Variants in AIM2 observed in about 807,000 individuals in gnomAD.
AIM2 encodes absent in melanoma 2, also known as interferon-inducible protein AIM2.
In AIM2, 30 loss-of-function variants were observed where a neutral mutation model predicts 27.7. That is an observed-to-expected ratio of 1.08 (90% confidence interval 0.81 to 1.47). AIM2 has a LOEUF of 1.47. AIM2 is among the 40% of genes most tolerant of loss of function. AIM2 has a pLI of 0.00. For missense variants in AIM2, 358 were observed against 411.3 expected (o/e 0.87, Z 1.12); for synonymous variants, 141 against 145.3 (o/e 0.97, Z 0.21).
At chr1:159,110,721 T>C (rs1657550294) in intron 1 of AIM2, among the ~76,000 whole-genome samples, 1 of 152,206 alleles carries the variant, frequency 6.6e-6, no homozygotes, top group South Asian at 2.1e-4. Context: ...GTTCCTTCTC[T>C]ATTTCCTGCC....
At chr1:159,070,439 G>A (rs1245357768) in intron 2 of AIM2, among the ~76,000 whole-genome samples, 1 of 152,160 alleles carries the variant, frequency 6.6e-6, no homozygotes, top group African/African-American at 2.4e-5. Context: ...TCTATGGTCA[G>A]GTTATATGTT....
chr1:159,123,973 A>T (rs1647611129), intron 1 of AIM2, among the ~76,000 whole-genome samples: 1 of 152,154 alleles, frequency 6.6e-6, no homozygotes, highest in South Asian at 2.1e-4. Flanking sequence ...AATCTGCCTC[A>T]TTTACTCCAC....
At chr1:159,119,050 C>T (rs894718439) in intron 1 of AIM2, among the ~76,000 whole-genome samples, 5 of 151,944 alleles carry the variant, frequency 3.3e-5, no homozygotes, top group African/African-American at 4.8e-5. Context: ...ACCAGAACTC[C>T]GAATAAAGAA....
chr1:159,071,978 T>C (rs1233370425), intron 2 of AIM2, among the ~76,000 whole-genome samples: 1 of 152,154 alleles, frequency 6.6e-6, no homozygotes, highest in Admixed American at 6.5e-5. Context: ...GGGGAGAAGA[T>C]TGTAGAAGGG....
In AIM2 at chr1:159,073,359, T is replaced by A. The variant is rs986086448; in HGVS notation, c.141A>T (p.Gln47His). The A allele has an allele frequency of 6.2e-7, 1 of 1,614,076 alleles. No individual in the cohort carries two copies. Among genetic ancestry groups the A allele is most frequent in the Non-Finnish European group, 8.5e-7 (1 of 1,180,040 alleles). ...TGKLHTANRIQVATLMIQNAG... is the reference protein window; with the variant it reads ...TGKLHTANRIHVATLMIQNAG... ...CATTTTGAATCATCAAGGTAGCTAC[T>A]TGTATTCTGTTTGCAGTATGTAGTT... Residue 47 changes from glutamine to histidine, a missense_variant, in exon 2 of 6, where the codon CAA (glutamine) becomes CAT (histidine). Coordinates refer to ENST00000368130, the MANE Select transcript of AIM2 (RefSeq NM_004833.3).
chr1:159,096,266 T>C (rs940350745), intron 1 of AIM2, among the ~76,000 whole-genome samples: 1 of 152,230 alleles, frequency 6.6e-6, no homozygotes, highest in Non-Finnish European at 1.5e-5. Context: ...TCCTACTTCA[T>C]TCACTAGCTA....
At chr1:159,104,508 T>A (rs1285326768) in intron 1 of AIM2, among the ~76,000 whole-genome samples, 1 of 152,254 alleles carries the variant, frequency 6.6e-6, no homozygotes, top group African/African-American at 2.4e-5. Flanking sequence ...TAATGAAATA[T>A]TTCTGATTAA....
At position 159,068,688 on chromosome 1, in the gene AIM2, G is replaced by A; in HGVS notation, c.276C>T (p.Tyr92=). The change falls in exon 3 of 6, where the codon TAC becomes TAT. Residue 92 remains tyrosine, a synonymous_variant. Transcript: ENST00000368130. Reference sequence around the variant, plus strand: ...GTGGCTTTGGTTTTGTTACCGATTTGTATTGCTTATCAACTGATTAAAAAA... The same window carrying A: ...GTGGCTTTGGTTTTGTTACCGATTTATATTGCTTATCAACTGATTAAAAAA... ...QEEKEKVDKQ[Y]KSVTKPKPLS... 4 of 1,613,596 alleles carry A rather than the reference G, an allele frequency of 2.5e-6. No individual in the cohort carries two copies. Among genetic ancestry groups the A allele is most frequent in the South Asian group, 1.1e-5 (1 of 91,034 alleles).
chr1:159,140,023 C>T (rs1331377840), intron 1 of AIM2, among the ~76,000 whole-genome samples: 1 of 152,170 alleles, frequency 6.6e-6, no homozygotes, highest in Non-Finnish European at 1.5e-5. Flanking sequence ...TGACATACCC[C>T]TTTCCTGAAC....
chr1:159,083,038 T>G (rs994514648), intron 1 of AIM2, among the ~76,000 whole-genome samples: 8 of 152,184 alleles, frequency 5.3e-5, no homozygotes, highest in African/African-American at 1.9e-4. Context: ...TTTAAAAGAA[T>G]TAGCAATAAG....
chr1:159,085,292 G>A (rs1656881643), intron 1 of AIM2, among the ~76,000 whole-genome samples: 1 of 152,168 alleles, frequency 6.6e-6, no homozygotes, highest in Non-Finnish European at 1.5e-5. Context: ...TTGGGGACGT[G>A]AGAATTATTA....
chr1:159,112,533 G>A (rs1243636987), intron 1 of AIM2, among the ~76,000 whole-genome samples: 2 of 152,030 alleles, frequency 1.3e-5, no homozygotes, highest in Non-Finnish European at 2.9e-5. Context: ...TAGCCAAAAA[G>A]GCAAAAATAT....
chr1:159,105,327 A>G (rs1010097395), intron 1 of AIM2, among the ~76,000 whole-genome samples: 2 of 152,210 alleles, frequency 1.3e-5, no homozygotes, highest in African/African-American at 4.8e-5. Context: ...ACAGACCTCC[A>G]AAGAGGGTGT....
At chr1:159,141,475 A>C (rs1648108256), upstream of AIM2, among the ~76,000 whole-genome samples, 1 of 152,182 alleles carries the variant, frequency 6.6e-6, no homozygotes, top group Non-Finnish European at 1.5e-5. Context: ...GGGAGGGGAC[A>C]CAAAAAGAGA....
At chr1:159,073,651 G>T (rs1656471775) in intron 1 of AIM2, 132 bp from the exon 2 acceptor site, 1 of 893,456 alleles carries the variant, frequency 1.1e-6, no homozygotes, top group Non-Finnish European at 1.7e-6. Context: ...ATTTGAGTAG[G>T]ACATAGGTAA....
chr1:159,084,804 C>CACACACAA (rs1557899658), intron 1 of AIM2, among the ~76,000 whole-genome samples: 3 of 150,428 alleles, frequency 2.0e-5, no homozygotes, highest in Non-Finnish European at 4.4e-5. Context: ...CACACACACA[C>CACACACAA]ACACACACAC....
intron 1 of AIM2, among the ~76,000 whole-genome samples, chr1:159,145,983 G>A (rs1648194328): frequency 6.6e-6 from 1 of 152,096 alleles, no homozygotes; most frequent in Non-Finnish European, 1.5e-5. Flanking sequence ...GTGCGTGCCT[G>A]TAGTCCCAGC....
At chr1:159,060,923 G>A (rs1239536352), downstream of AIM2, among the ~76,000 whole-genome samples, 1 of 152,206 alleles carries the variant, frequency 6.6e-6, no homozygotes, top group Non-Finnish European at 1.5e-5. Flanking sequence ...CAAGCTTGCT[G>A]TGTCATGTGG....
At chr1:159,060,304 C>A (rs1655791487), downstream of AIM2, among the ~76,000 whole-genome samples, 1 of 152,078 alleles carries the variant, frequency 6.6e-6, no homozygotes. Flanking sequence ...AAAGTTTCAT[C>A]TTTCTTATTT....
Sources: gnomAD v4.1 joint callset for allele counts (sites outside exome capture counted in the v4.1 genomes callset) on GRCh38, gnomAD v4.1.1 for gene constraint, MANE v1.5 for transcripts, NCBI Gene and HGNC (gene_info 2026-07-23, HGNC 2026-07-21) for gene names.